Variants in PRDM11 observed in about 807,000 individuals in gnomAD.
The protein encoded by PRDM11 is PR domain-containing protein 11.
A neutral mutation model predicts 97.8 loss-of-function variants in PRDM11; 20 were observed. That is an observed-to-expected ratio of 0.20 (90% CI 0.14 to 0.30). The LOEUF (loss-of-function observed/expected upper bound fraction) is 0.30. Among genes scored for constraint, PRDM11 ranks in the 10% least tolerant of loss-of-function variants. The probability of loss-of-function intolerance (pLI) is 1.00; values close to 1 mark genes in which losing one functional copy is unlikely to be tolerated. For synonymous variants in PRDM11, 599 were observed against 637.7 expected, an observed-to-expected ratio of 0.94 and a Z score of 0.91; for missense variants, 1,139 against 1,555.2, an observed-to-expected ratio of 0.73 and a Z score of 4.50.
chr11:45,131,492 A>G (rs1169046197), intron 1 of PRDM11, among the ~76,000 whole-genome samples: 1 of 152,238 alleles, frequency 6.6e-6, no homozygotes, highest in Non-Finnish European at 1.5e-5. Flanking sequence ...GATAATATAT[A>G]CAACCATTAC....
intron 1 of PRDM11, among the ~76,000 whole-genome samples, chr11:45,135,259 G>C (rs1210738234): frequency 6.6e-6 from 1 of 152,176 alleles, no homozygotes; most frequent in East Asian, 1.9e-4. Flanking sequence ...AAACAAGAAT[G>C]CTTGCTGTCT....
chr11:45,161,053 C>A (rs1475597470), intron 1 of PRDM11, among the ~76,000 whole-genome samples: 3 of 152,204 alleles, frequency 2.0e-5, no homozygotes, highest in Non-Finnish European at 2.9e-5. Context: ...CCTGGCTCAG[C>A]CCCTTACCAA....
Position 45,150,402 on chromosome 11 carries a change from G to A in PRDM11, c.-7+3525G>A, listed in dbSNP as rs76974888. On this transcript the variant is annotated intron_variant, in intron 1 of 7. Coordinates refer to ENST00000683152, the MANE Select transcript of PRDM11 (RefSeq NM_001384648.1). Reference sequence around the variant, plus strand: ...AGACTCTACCAGGGTTGCTTTGAGTGTGCTGTTGGGTTTGCACTTGAGAGT... The same window carrying A: ...AGACTCTACCAGGGTTGCTTTGAGTATGCTGTTGGGTTTGCACTTGAGAGT... 5.3e-5 allele frequency among the ~76,000 whole-genome samples: 8 copies of A among 152,306 alleles called. No individual in the cohort carries two copies. In the East Asian group the frequency reaches 1.5e-3, roughly 29 times the overall value.
chr11:45,143,587 A>C (rs1490651315), upstream of PRDM11, among the ~76,000 whole-genome samples: 1 of 152,208 alleles, frequency 6.6e-6, no homozygotes, highest in Non-Finnish European at 1.5e-5. Flanking sequence ...GCATTATGGA[A>C]AAGGACAATG....
intron 1 of PRDM11, among the ~76,000 whole-genome samples, chr11:45,132,354 A>C (rs1852740025): frequency 2.0e-5 from 3 of 152,184 alleles, no homozygotes; most frequent in Non-Finnish European, 4.4e-5. Flanking sequence ...CATACCAAAA[A>C]GGCATAAACC....
At position 45,230,180 on chromosome 11, in the gene PRDM11, T is replaced by C. The variant is rs943761702; in HGVS notation, c.*2021T>C. 6.6e-6 allele frequency: 1 copy of C among 151,418 alleles called. No individual in the cohort carries two copies. The highest frequency in any genetic ancestry group is 6.6e-5 in the Admixed American group (1 of 15,202). The allele number at this position is 151,418 out of a possible 1,614,324, so 9.4% of individuals were successfully genotyped here. Reference sequence around the variant, plus strand: ...TATTTTTGTTTGTTTTCAACAGTGATGTAGCATGTTAAAAAACAAAAAACA... The same window carrying C: ...TATTTTTGTTTGTTTTCAACAGTGACGTAGCATGTTAAAAAACAAAAAACA... On this transcript the variant is annotated 3_prime_UTR_variant, in exon 8 of 8. Coordinates refer to ENST00000683152, the MANE Select transcript of PRDM11 (RefSeq NM_001384648.1).
intron 6 of PRDM11, among the ~76,000 whole-genome samples, chr11:45,223,073 T>C (rs1404839481): frequency 6.6e-6 from 1 of 152,164 alleles, no homozygotes; most frequent in African/African-American, 2.4e-5. Context: ...CTCAGCACTT[T>C]GGGAGGCCAA....
Position 45,219,994 on chromosome 11 carries a change from T to C in PRDM11, c.742+237T>C, listed in dbSNP as rs1202728589. On this transcript the variant is annotated intron_variant, in intron 6 of 7. Coordinates refer to ENST00000683152, the MANE Select transcript of PRDM11 (RefSeq NM_001384648.1). This position sits in a 1 kb window ranked among gnomAD's most constrained non-coding sequence, Gnocchi z 4.2. ...AATCCTTACCACACACATTTCAGAGTATTCATGAGAGAGACGCCCCCAAAA... is the reference window on the plus strand; with the variant it reads ...AATCCTTACCACACACATTTCAGAGCATTCATGAGAGAGACGCCCCCAAAA... 6.6e-6 allele frequency among the ~76,000 whole-genome samples: 1 copy of C among 152,086 alleles called. No individual in the cohort carries two copies. Among genetic ancestry groups the C allele is most frequent in the Non-Finnish European group, 1.5e-5 (1 of 68,014 alleles).
chr11:45,169,559 T>C (rs1852152004), intron 1 of PRDM11, among the ~76,000 whole-genome samples: 1 of 152,250 alleles, frequency 6.6e-6, no homozygotes, highest in South Asian at 2.1e-4. Context: ...TTAACCCATT[T>C]ATGCCTGAGG....
intron 5 of PRDM11, among the ~76,000 whole-genome samples, chr11:45,217,535 C>T (rs965374167): frequency 3.3e-5 from 5 of 152,232 alleles, no homozygotes; most frequent in Non-Finnish European, 5.9e-5. Flanking sequence ...TGGCTTGCTT[C>T]TCTCAAAAGG....
chr11:45,133,594 C>T (rs908421770), intron 1 of PRDM11, among the ~76,000 whole-genome samples: 11 of 152,164 alleles, frequency 7.2e-5, no homozygotes, highest in Admixed American at 5.9e-4. Flanking sequence ...TTGCTCAAAC[C>T]AGTGTTCGCT....
At chr11:45,209,863 G>A (rs1478718820) in intron 5 of PRDM11, among the ~76,000 whole-genome samples, 1 of 152,240 alleles carries the variant, frequency 6.6e-6, no homozygotes, top group African/African-American at 2.4e-5. Context: ...ACTGGGGACT[G>A]GGGAGGGCTC....
Position 45,134,606 on chromosome 11 carries a change from G to T in PRDM11, c.96+38705G>T, listed in dbSNP as rs376307497. Reference sequence around the variant, plus strand: ...CCCAGCTACTTGGGAGGCTGAGGTGGGAGAATCGCTTGAGCCTGGGAGGTC... The same window carrying T: ...CCCAGCTACTTGGGAGGCTGAGGTGTGAGAATCGCTTGAGCCTGGGAGGTC... On this transcript the variant is annotated intron_variant, in intron 1 of 6. Coordinates refer to the PRDM11 transcript ENST00000530656. Among the ~76,000 whole-genome samples, 10 of 149,306 alleles carry T rather than the reference G, an allele frequency of 6.7e-5. No homozygotes were observed. In the East Asian group the frequency reaches 2.0e-3, roughly 29 times the overall value.
chr11:45,150,140 T>C (rs1284327261), intron 1 of PRDM11, among the ~76,000 whole-genome samples: 1 of 152,152 alleles, frequency 6.6e-6, no homozygotes, highest in East Asian at 1.9e-4. Context: ...CACATGGGCC[T>C]TCCTCATGCT....
intron 1 of PRDM11, among the ~76,000 whole-genome samples, chr11:45,123,642 A>G (rs200703664): frequency 0.12 from 18,717 of 151,236 alleles, 1,507 homozygotes; most frequent in Admixed American, 0.24. Flanking sequence ...TTTGTCAAAG[A>G]TCAGATAGTT....
rs1554963214 is a variant in PRDM11 at position 45,101,567 on chromosome 11, A to AGAAG, written c.96+5666_96+5667insGAAG. 2.4e-3 allele frequency among the ~76,000 whole-genome samples: 228 copies of AGAAG among 96,854 alleles called. 8 individuals are homozygous for AGAAG. The highest frequency in any genetic ancestry group is 6.5e-3 in the East Asian group (30 of 4,610). 63.5% of individuals were successfully genotyped at this position (96,854 alleles called of 152,430 possible). A position where few individuals can be genotyped will look rare whatever the true frequency, so the allele number is the denominator to read the frequency against. ...CAACACTCTGTCTCAAAAAAAAAAA[A>AGAAG]AAGAAGAAGAAGAAGAAGAAGAAGA... On this transcript the variant is annotated intron_variant, in intron 1 of 6. Coordinates refer to the PRDM11 transcript ENST00000530656.
intron 1 of PRDM11, among the ~76,000 whole-genome samples, chr11:45,163,527 C>T (rs1438391579): frequency 3.3e-5 from 5 of 151,972 alleles, no homozygotes; most frequent in African/African-American, 1.2e-4. Flanking sequence ...GTAACTCCCA[C>T]CTCAGCTGCT....
rs1851927219 is a variant in PRDM11 at position 45,098,973 on chromosome 11, AT to A, written c.96+3073del. ...GTGTTTCAAGCAACAAAAGAAGGTA[AT>A]CAGATTCTGGAAAATGGCTGATAGT... is the stretch of plus-strand genomic sequence containing the variant. On this transcript the variant is annotated intron_variant, in intron 1 of 6. Transcript: ENST00000530656. Among the ~76,000 whole-genome samples, 3 of 152,276 alleles carry A rather than the reference AT, an allele frequency of 2.0e-5. No individual in the cohort carries two copies. In the South Asian group the frequency reaches 6.2e-4, roughly 32 times the overall value.
In PRDM11 at chr11:45,219,292, A is replaced by G. The variant is rs1468497447; in HGVS notation, c.555-278A>G. 6.6e-6 allele frequency among the ~76,000 whole-genome samples: 1 copy of G among 152,178 alleles called. No individual in the cohort carries two copies. The highest frequency in any genetic ancestry group is 6.5e-5 in the Admixed American group (1 of 15,282). On this transcript the variant is annotated intron_variant, in intron 5 of 7. Transcript: ENST00000683152. This position sits in a 1 kb window ranked among gnomAD's most constrained non-coding sequence, Gnocchi z 4.2. ...GTTGATATATTTTCCATATGGTGTG[A>G]GGCAGGCAGGGCAGGTGTCATATCC...
Sources: gnomAD v4.1 joint callset for allele counts (sites outside exome capture counted in the v4.1 genomes callset) on GRCh38, gnomAD v4.1.1 for gene constraint, Gnocchi (gnomAD v3.1) non-coding constraint, MANE v1.5 for transcripts, NCBI Gene and HGNC (gene_info 2026-07-23, HGNC 2026-07-21) for gene names.